The following PITPNC1 variants were observed in gnomAD, a reference collection of about 807,000 sequenced individuals.
The protein encoded by PITPNC1 is cytoplasmic phosphatidylinositol transfer protein 1.
A neutral mutation model predicts 44.7 loss-of-function variants in PITPNC1; 18 were observed. That is an observed-to-expected ratio of 0.40 (90% CI 0.28 to 0.60). The LOEUF is 0.60. Among genes scored for constraint, PITPNC1 ranks in the 20% least tolerant of loss-of-function variants. PITPNC1 has a pLI of 0.39. For synonymous variants in PITPNC1, 141 were observed against 149.6 expected (o/e 0.94, Z 0.42); for missense variants, 290 against 418.4 (o/e 0.69, Z 2.68).
chr17:67,385,491 C>G (rs1350258656), intron 1 of PITPNC1, among the ~76,000 whole-genome samples: 1 of 144,534 alleles, frequency 6.9e-6, no homozygotes, highest in Non-Finnish European at 1.5e-5. Flanking sequence ...TCCCCCCTCC[C>G]CTCCCCCCAG....
At chr17:67,533,931 A>G (rs573838252) in intron 2 of PITPNC1, among the ~76,000 whole-genome samples, 25 of 151,778 alleles carry the variant, frequency 1.6e-4, no homozygotes, top group African/African-American at 5.8e-4. Context: ...GTCTCACTCT[A>G]TTGCCCAGAC....
At chr17:67,399,215 G>C (rs770325967) in intron 1 of PITPNC1, among the ~76,000 whole-genome samples, 15 of 151,844 alleles carry the variant, frequency 9.9e-5, no homozygotes, top group Non-Finnish European at 2.2e-4. Flanking sequence ...GGGTTTCACT[G>C]TGTTAGCCAG....
At chr17:67,535,616 G>A (rs2163916) in intron 2 of PITPNC1, among the ~76,000 whole-genome samples, 28,960 of 152,194 alleles carry the variant, frequency 0.19, 2,904 homozygotes, top group Middle Eastern at 0.28. Flanking sequence ...AGGGAAATTT[G>A]TTATAAATAG....
At chr17:67,386,714 A>G (rs1218281774) in intron 1 of PITPNC1, among the ~76,000 whole-genome samples, 1 of 152,122 alleles carries the variant, frequency 6.6e-6, no homozygotes, top group Non-Finnish European at 1.5e-5. Context: ...AGATCGCAGC[A>G]CCCTGGCTGG....
chr17:67,501,700 G>A (rs1023896449), intron 1 of PITPNC1, among the ~76,000 whole-genome samples: 34 of 152,152 alleles, frequency 2.2e-4, no homozygotes, highest in African/African-American at 7.5e-4. Flanking sequence ...GGATGTGGTG[G>A]TGGGAGCCTG....
intron 1 of PITPNC1, among the ~76,000 whole-genome samples, chr17:67,411,581 C>T (rs1256001242): frequency 1.3e-5 from 2 of 151,948 alleles, no homozygotes; most frequent in Non-Finnish European, 2.9e-5. Context: ...TGCCCCAGGC[C>T]TAGGGGAACC....
In PITPNC1 at chr17:67,627,923, CTTTTTTG is replaced by C. The variant is rs2041915246; in HGVS notation, c.367-4213_367-4207del. On this transcript the variant is annotated intron_variant, in intron 5 of 8. Coordinates refer to ENST00000581322, the MANE Select transcript of PITPNC1 (RefSeq NM_012417.4). ...CTATTCTTTTCTTTTTCTTCTTCTT[CTTTTTTG>C]TTTTTTTTTTTTTTGAGATGGCGTC... 1.3e-5 allele frequency among the ~76,000 whole-genome samples: 2 copies of C among 149,612 alleles called. 1 individual carries two copies. The highest frequency in any genetic ancestry group is 4.2e-4 in the South Asian group (2 of 4,722).
intron 6 of PITPNC1, among the ~76,000 whole-genome samples, chr17:67,635,087 T>A (rs946307399): frequency 5.9e-5 from 9 of 151,768 alleles, no homozygotes; most frequent in South Asian, 2.1e-4. Context: ...TCAAAAAAAA[T>A]AATAATAAAT....
At position 67,697,178 on chromosome 17, in the gene PITPNC1, T is replaced by C. The variant is rs2043023831; in HGVS notation, c.*4290T>C. ...TGTCATTTTGTGGCTGTTCTGTGTT[T>C]TTCTTCCTAGTTATTTATTATTGTT... is the stretch of plus-strand genomic sequence containing the variant. On this transcript the variant is annotated 3_prime_UTR_variant, in exon 9 of 9. Coordinates refer to ENST00000581322, the MANE Select transcript of PITPNC1 (RefSeq NM_012417.4). 6.6e-6 allele frequency: 1 copy of C among 150,998 alleles called. No homozygotes were observed. The highest frequency in any genetic ancestry group is 1.5e-5 in the Non-Finnish European group (1 of 67,824). 9.4% of individuals were successfully genotyped at this position (150,998 alleles called of 1,614,324 possible).
intron 1 of PITPNC1, among the ~76,000 whole-genome samples, chr17:67,407,355 CAT>C: frequency 6.6e-6 from 1 of 152,232 alleles, no homozygotes; most frequent in East Asian, 1.9e-4. Context: ...AGTTGGGTTA[CAT>C]GTCTTCTTTT....
chr17:67,561,963 C>T (rs1445196296), intron 4 of PITPNC1, among the ~76,000 whole-genome samples: 1 of 152,172 alleles, frequency 6.6e-6, no homozygotes, highest in Non-Finnish European at 1.5e-5. Flanking sequence ...AAATTCTTGT[C>T]TTGCCATTAT....
intron 2 of PITPNC1, among the ~76,000 whole-genome samples, chr17:67,545,884 CG>C (rs2040673258): frequency 6.6e-6 from 1 of 152,076 alleles, no homozygotes; most frequent in Non-Finnish European, 1.5e-5. Context: ...GCATTCCACT[CG>C]GGAGTGACAG....
Position 67,462,183 on chromosome 17 carries a change from CT to C in PITPNC1, c.49-70608del, listed in dbSNP as rs576346535. Among the ~76,000 whole-genome samples, 468 of 134,254 alleles carry C rather than the reference CT, an allele frequency of 3.5e-3. 2 individuals are homozygous for C. The highest frequency in any genetic ancestry group is 0.026 in the Middle Eastern group (6 of 234). 88.1% of individuals were successfully genotyped at this position (134,254 alleles called of 152,430 possible). On this transcript the variant is annotated intron_variant, in intron 1 of 8. Coordinates refer to ENST00000581322, the MANE Select transcript of PITPNC1 (RefSeq NM_012417.4). ...TTGGGAGGAATGAACTTGCCTACAC[CT>C]TTTTTTTTTTCTTTTCTTTTCTTTT... is the stretch of plus-strand genomic sequence containing the variant.
chr17:67,583,740 G>C (rs2041267308), intron 5 of PITPNC1, among the ~76,000 whole-genome samples: 1 of 139,164 alleles, frequency 7.2e-6, no homozygotes, highest in Non-Finnish European at 1.6e-5. Context: ...TGTCACCCAG[G>C]CTGGAGTGCA....
At chr17:67,636,440 C>G (rs1170899690) in intron 6 of PITPNC1, among the ~76,000 whole-genome samples, 6 of 152,178 alleles carry the variant, frequency 3.9e-5, no homozygotes, top group Non-Finnish European at 5.9e-5. Context: ...TGGAGTCTTA[C>G]GGTTACTAAA....
chr17:67,650,402 C>T (rs2042196476), intron 6 of PITPNC1, among the ~76,000 whole-genome samples: 1 of 149,978 alleles, frequency 6.7e-6, no homozygotes, highest in African/African-American at 2.5e-5. Context: ...ATCTTCTCCC[C>T]AGTTCCTAAA....
intron 1 of PITPNC1, among the ~76,000 whole-genome samples, chr17:67,498,315 C>T (rs536179398): frequency 6.6e-5 from 10 of 151,882 alleles, no homozygotes; most frequent in Non-Finnish European, 8.8e-5. Flanking sequence ...TAATATTGGC[C>T]GGACATGGTG....
intron 1 of PITPNC1, among the ~76,000 whole-genome samples, chr17:67,490,716 G>A (rs796584295): frequency 3.9e-5 from 6 of 152,264 alleles, no homozygotes; most frequent in African/African-American, 1.2e-4. Context: ...CAGGAATGTC[G>A]TCCCCAGGGA....
intron 6 of PITPNC1, among the ~76,000 whole-genome samples, chr17:67,654,438 A>G (rs531299631): frequency 6.6e-6 from 1 of 152,328 alleles, no homozygotes; most frequent in Admixed American, 6.5e-5. Flanking sequence ...CCCCTGGGAC[A>G]TTCCCACTGC....
Sources: gnomAD v4.1 joint callset for allele counts (sites outside exome capture counted in the v4.1 genomes callset) on GRCh38, gnomAD v4.1.1 for gene constraint, MANE v1.5 for transcripts, NCBI Gene and HGNC (gene_info 2026-07-23, HGNC 2026-07-21) for gene names.